The following TBC1D4 variants were observed in gnomAD, a reference collection of about 807,000 sequenced individuals.
The protein encoded by TBC1D4 is TBC1 domain family member 4, also known as TBC (Tre-2, BUB2, CDC16) domain-containing protein.
A neutral mutation model predicts 142.5 loss-of-function variants in TBC1D4; 121 were observed. The observed-to-expected ratio is 0.85, with a 90% CI of 0.73 to 0.99. The LOEUF (loss-of-function observed/expected upper bound fraction) is 0.99, where lower values mean the gene tolerates loss of function less well. Among genes scored for constraint, TBC1D4 ranks in the 50% least tolerant of loss-of-function variants. TBC1D4 has a pLI of 0.00. For missense variants in TBC1D4, 1,475 were observed against 1,606.6 expected, an observed-to-expected ratio of 0.92 and a Z score of 1.40; for synonymous variants, 630 against 628.2, an observed-to-expected ratio of 1.00 and a Z score of -0.04.
chr13:75,326,400 T>A lies in TBC1D4; in HGVS notation c.1830A>T (p.Pro610=). Residue 610 remains proline, a synonymous_variant, in exon 10 of 21, where the codon CCA becomes CCT. Coordinates refer to ENST00000377636, the MANE Select transcript of TBC1D4 (RefSeq NM_014832.5). The part of the protein sequence containing the change: ...SEKDYSPGDS[P]PGTPPASPPS... ...GTGGGGACGCTGGCGGTGTCCCTGGTGGAGAATCCCCTGGTGAGTAGTCCT... is the reference window on the plus strand; with the variant it reads ...GTGGGGACGCTGGCGGTGTCCCTGGAGGAGAATCCCCTGGTGAGTAGTCCT... 1.2e-6 allele frequency: 2 copies of A among 1,614,150 alleles called. No individual in the cohort carries two copies. Among genetic ancestry groups the A allele is most frequent in the Non-Finnish European group, 8.5e-7 (1 of 1,180,022 alleles).
At chr13:75,364,834 G>C (rs964814132) in intron 1 of TBC1D4, among the ~76,000 whole-genome samples, 1 of 152,172 alleles carries the variant, frequency 6.6e-6, no homozygotes, top group Non-Finnish European at 1.5e-5. Context: ...CTCCAAAAGT[G>C]TCTCTACAGA....
chr13:75,362,689 G>T lies in TBC1D4; in HGVS notation c.499-82C>A. ...TTACCTAGCCCAATTATTACCACATGGAATGTATTTTCATCCTAAATAATA... is the reference window on the plus strand; with the variant it reads ...TTACCTAGCCCAATTATTACCACATTGAATGTATTTTCATCCTAAATAATA... On this transcript the variant is annotated intron_variant, in intron 1 of 20. Transcript: ENST00000377636. This position sits in a 1 kb window ranked among gnomAD's most constrained non-coding sequence, Gnocchi z 4.2. The T allele has an allele frequency of 7.0e-7, 1 of 1,433,286 alleles. No homozygotes were observed. Among genetic ancestry groups the T allele is most frequent in the Non-Finnish European group, 9.7e-7 (1 of 1,028,194 alleles). 88.8% of individuals were successfully genotyped at this position (1,433,286 alleles called of 1,614,324 possible).
At chr13:75,350,784 T>C (rs796339515) in intron 4 of TBC1D4, among the ~76,000 whole-genome samples, 10 of 152,300 alleles carry the variant, frequency 6.6e-5, no homozygotes, top group African/African-American at 2.4e-4. Flanking sequence ...ATAATGAACT[T>C]TTGATGTTTT....
At chr13:75,382,032 G>A (rs947503051) in intron 1 of TBC1D4, among the ~76,000 whole-genome samples, 7 of 152,124 alleles carry the variant, frequency 4.6e-5, no homozygotes, top group Admixed American at 4.6e-4. Context: ...TCAGTAAAAG[G>A]GAATCTTTTT....
chr13:75,321,388 G>A (rs921412125), intron 11 of TBC1D4, among the ~76,000 whole-genome samples: 1 of 151,952 alleles, frequency 6.6e-6, no homozygotes, highest in African/African-American at 2.4e-5. Flanking sequence ...CACGATGCAT[G>A]CAACTTATTC....
intron 1 of TBC1D4, among the ~76,000 whole-genome samples, chr13:75,382,950 T>C (rs1883936165): frequency 6.6e-6 from 1 of 152,258 alleles, no homozygotes; most frequent in Non-Finnish European, 1.5e-5. Flanking sequence ...ACATTATATT[T>C]TAATTGGACA....
chr13:75,469,474 C>T (rs1240508326), intron 1 of TBC1D4, among the ~76,000 whole-genome samples: 1 of 152,036 alleles, frequency 6.6e-6, no homozygotes, highest in African/African-American at 2.4e-5. Context: ...TGTGGACATA[C>T]AAAAAATGAA....
chr13:75,413,386 T>C (rs893639748), intron 1 of TBC1D4, among the ~76,000 whole-genome samples: 23 of 152,272 alleles, frequency 1.5e-4, no homozygotes, highest in Non-Finnish European at 3.2e-4. Context: ...GGTCTCGATC[T>C]CTTGACCTTG....
At chr13:75,370,664 G>A (rs1458702864) in intron 1 of TBC1D4, among the ~76,000 whole-genome samples, 1 of 152,170 alleles carries the variant, frequency 6.6e-6, no homozygotes, top group Non-Finnish European at 1.5e-5. Flanking sequence ...GACTGCAGGT[G>A]GGTGATGGCT....
At chr13:75,454,026 T>G (rs1359904599) in intron 1 of TBC1D4, among the ~76,000 whole-genome samples, 1 of 26,304 alleles carries the variant, frequency 3.8e-5, no homozygotes, top group Non-Finnish European at 6.9e-5. Context: ...TAAATCTCTA[T>G]TTTTTTTTTT....
Position 75,397,533 on chromosome 13 carries a change from C to T in TBC1D4, c.499-34926G>A, listed in dbSNP as rs192802840. Among the ~76,000 whole-genome samples the T allele has an allele frequency of 1.6e-3, 243 of 152,242 alleles. 1 individual carries two copies. Among genetic ancestry groups the T allele is most frequent in the Middle Eastern group, 0.014 (4 of 294 alleles). On this transcript the variant is annotated intron_variant, in intron 1 of 20. Transcript: ENST00000377636. Reference sequence around the variant, plus strand: ...GTAATATAATTATATTGTGTGGAGACGGCAAGGAGAGAAAAGATAAGTCAG... The same window carrying T: ...GTAATATAATTATATTGTGTGGAGATGGCAAGGAGAGAAAAGATAAGTCAG...
chr13:75,346,891 G>C, intron 5 of TBC1D4, among the ~76,000 whole-genome samples: 1 of 152,090 alleles, frequency 6.6e-6, no homozygotes, highest in East Asian at 1.9e-4. Flanking sequence ...TTGACACATA[G>C]TTCAAATTCA....
chr13:75,305,088 G>C (rs1877034145), intron 15 of TBC1D4, among the ~76,000 whole-genome samples: 1 of 152,126 alleles, frequency 6.6e-6, no homozygotes, highest in Admixed American at 6.5e-5. Context: ...CTGTGGTAGT[G>C]AGTAAGTCTC....
At chr13:75,472,462 T>A (rs1408174899) in intron 1 of TBC1D4, among the ~76,000 whole-genome samples, 1 of 152,032 alleles carries the variant, frequency 6.6e-6, no homozygotes, top group Non-Finnish European at 1.5e-5. Context: ...TGGATGGATT[T>A]AAAAGGGTCA....
rs1874584851 is a variant in TBC1D4, at chr13:75,285,524, T to C, written c.*1268A>G. On this transcript the variant is annotated 3_prime_UTR_variant, in exon 21 of 21. Coordinates refer to ENST00000377636, the MANE Select transcript of TBC1D4 (RefSeq NM_014832.5). The stretch of plus-strand genomic sequence containing the variant: ...TTACTTTCCTTGCCTATACCCAGCA[T>C]GCGTGAATGTCATCTAATGAGCTAT... 6.6e-6 allele frequency: 1 copy of C among 152,634 alleles called. No individual in the cohort carries two copies. Among genetic ancestry groups the C allele is most frequent in the South Asian group, 2.1e-4 (1 of 4,836 alleles). The allele number at this position is 152,634 out of a possible 1,614,324, so 9.5% of individuals were successfully genotyped here.
intron 1 of TBC1D4, among the ~76,000 whole-genome samples, chr13:75,437,848 G>C (rs1398547080): frequency 6.6e-6 from 1 of 152,158 alleles, no homozygotes; most frequent in African/African-American, 2.4e-5. Flanking sequence ...TGAACTATTT[G>C]AAGATGCATT....
At chr13:75,476,750 C>A (rs1249360199) in intron 1 of TBC1D4, among the ~76,000 whole-genome samples, 3 of 152,146 alleles carry the variant, frequency 2.0e-5, no homozygotes, top group African/African-American at 7.2e-5. Context: ...ACCAAATGAA[C>A]CAAATAACTT....
chr13:75,382,216 C>A (rs1281870853), intron 1 of TBC1D4, among the ~76,000 whole-genome samples: 1 of 152,212 alleles, frequency 6.6e-6, no homozygotes, highest in Non-Finnish European at 1.5e-5. Context: ...CATGCAGCCT[C>A]TCATTCCTCT....
intron 5 of TBC1D4, 43 bp from the exon 6 acceptor site, chr13:75,341,630 G>T: frequency 6.7e-7 from 1 of 1,496,502 alleles, no homozygotes; most frequent in African/African-American, 1.4e-5. Flanking sequence ...GAGTCTAGCA[G>T]CAGAGATCCA....
Sources: allele counts gnomAD v4.1 joint callset (sites outside exome capture counted in the v4.1 genomes callset), GRCh38; gene constraint gnomAD v4.1.1; non-coding constraint Gnocchi (gnomAD v3.1); transcripts MANE v1.5; gene names NCBI Gene and HGNC (gene_info 2026-07-23, HGNC 2026-07-21).